The following PTPRT variants were observed in gnomAD, a reference collection of about 807,000 sequenced individuals.
PTPRT encodes the protein receptor-type tyrosine-protein phosphatase T.
A neutral mutation model predicts 176.8 loss-of-function variants in PTPRT; 56 were observed. The ratio of observed to expected loss-of-function variants is 0.32; its 90% CI spans 0.26 to 0.40. PTPRT has a LOEUF of 0.40. Ranked by LOEUF, PTPRT falls within the 10% of genes least tolerant of loss-of-function variation. PTPRT has a pLI of 1.00. For synonymous variants in PTPRT, 783 were observed against 739.0 expected (o/e 1.06, Z -0.96); for missense variants, 1,540 against 1,908.2 (o/e 0.81, Z 3.60).
chr20:42,696,805 G>A (rs1476357311), intron 6 of PTPRT, among the ~76,000 whole-genome samples: 1 of 152,122 alleles, frequency 6.6e-6, no homozygotes, highest in African/African-American at 2.4e-5. Context: ...AGCTCTGCGA[G>A]CTTGGGAGCA....
At chr20:42,796,272 T>TTCA (rs1239525059) in intron 2 of PTPRT, among the ~76,000 whole-genome samples, 2 of 152,230 alleles carry the variant, frequency 1.3e-5, no homozygotes, top group Admixed American at 1.3e-4. Flanking sequence ...CTAGCCACAT[T>TTCA]TCAAGTGCCC....
intron 16 of PTPRT, among the ~76,000 whole-genome samples, chr20:42,176,972 G>A (rs1275307737): frequency 6.6e-6 from 1 of 152,150 alleles, no homozygotes; most frequent in Admixed American, 6.5e-5. Context: ...CAAAGACAAC[G>A]GGACATTAAG....
At chr20:43,179,564 G>C (rs549998239) in intron 1 of PTPRT, among the ~76,000 whole-genome samples, 1 of 152,220 alleles carries the variant, frequency 6.6e-6, no homozygotes, top group South Asian at 2.1e-4. Context: ...TTCAATTTTG[G>C]GGGTAAAGGT....
intron 1 of PTPRT, among the ~76,000 whole-genome samples, chr20:43,051,825 G>T (rs959445437): frequency 6.6e-6 from 1 of 151,988 alleles, no homozygotes; most frequent in African/African-American, 2.4e-5. Context: ...TAGCGAGGTA[G>T]ATAAGTAAAA....
intron 7 of PTPRT, among the ~76,000 whole-genome samples, chr20:42,507,707 G>A (rs1004096711): frequency 6.6e-6 from 1 of 152,100 alleles, no homozygotes; most frequent in Non-Finnish European, 1.5e-5. Context: ...TGAGAATAGA[G>A]GGAATTGGTA....
intron 5 of PTPRT, among the ~76,000 whole-genome samples, chr20:42,758,463 A>T (rs1352150907): frequency 6.6e-6 from 1 of 152,152 alleles, no homozygotes; most frequent in Non-Finnish European, 1.5e-5. Context: ...GGCCCCCATC[A>T]AAGGGCAGCT....
intron 7 of PTPRT, among the ~76,000 whole-genome samples, chr20:42,634,478 C>T (rs1046937153): frequency 6.6e-5 from 10 of 151,752 alleles, no homozygotes; most frequent in Non-Finnish European, 1.2e-4. Flanking sequence ...CATGAGACTT[C>T]ACATGATTAT....
chr20:42,864,500 C>T (rs765235059), intron 2 of PTPRT, among the ~76,000 whole-genome samples: 11 of 152,156 alleles, frequency 7.2e-5, no homozygotes, highest in East Asian at 3.9e-4. Context: ...CATGGGTCCA[C>T]GCACCAAACA....
At chr20:42,610,525 T>C (rs2073958841) in intron 7 of PTPRT, among the ~76,000 whole-genome samples, 1 of 151,990 alleles carries the variant, frequency 6.6e-6, no homozygotes, top group South Asian at 2.1e-4. Context: ...TGACCTGAAA[T>C]ATGTAGATTT....
At chr20:42,930,204 C>T (rs1979743832) in intron 1 of PTPRT, among the ~76,000 whole-genome samples, 1 of 152,196 alleles carries the variant, frequency 6.6e-6, no homozygotes, top group Admixed American at 6.5e-5. Context: ...CTTTTGACAG[C>T]AGCCTGCAGC....
intron 16 of PTPRT, among the ~76,000 whole-genome samples, chr20:42,169,828 CCT>C (rs1443193154): frequency 2.0e-5 from 3 of 149,782 alleles, no homozygotes; most frequent in East Asian, 2.0e-4. Flanking sequence ...AGAGCCATCC[CCT>C]GTCTTGTTAT....
chr20:42,741,497 A>G (rs2076609553), intron 6 of PTPRT, among the ~76,000 whole-genome samples: 1 of 151,850 alleles, frequency 6.6e-6, no homozygotes, highest in South Asian at 2.1e-4. Flanking sequence ...GGCAACCACC[A>G]CCACACCCGG....
chr20:42,341,735 T>C (rs2058113887), intron 11 of PTPRT, among the ~76,000 whole-genome samples: 3 of 152,156 alleles, frequency 2.0e-5, no homozygotes. Flanking sequence ...ATTTAAATAG[T>C]CCCTATGGTA....
At chr20:42,849,581 A>G (rs1341943428) in intron 2 of PTPRT, among the ~76,000 whole-genome samples, 2 of 152,170 alleles carry the variant, frequency 1.3e-5, no homozygotes, top group African/African-American at 4.8e-5. Flanking sequence ...AGGGTGGTAC[A>G]GTGGGCAGAG....
intron 2 of PTPRT, among the ~76,000 whole-genome samples, chr20:42,799,483 A>G (rs181780227): frequency 6.6e-6 from 1 of 152,324 alleles, no homozygotes; most frequent in East Asian, 1.9e-4. Flanking sequence ...GTCTCCCTTT[A>G]TTACTTCATA....
chr20:43,161,962 T>C (rs1033835885), intron 1 of PTPRT, among the ~76,000 whole-genome samples: 7 of 152,358 alleles, frequency 4.6e-5, no homozygotes, highest in Admixed American at 4.6e-4. Context: ...TCATAAATAT[T>C]GCACAGATGT....
At position 43,160,453 on chromosome 20, in the gene PTPRT, G is replaced by A. The variant is rs115169100; in HGVS notation, c.88+29193C>T. 3.1e-3 allele frequency among the ~76,000 whole-genome samples: 475 copies of A among 152,280 alleles called. 6 individuals are homozygous for A. The highest frequency in any genetic ancestry group is 0.011 in the African/African-American group (454 of 41,572). ...AGGCAATAAGAATAAATAAAATTAA[G>A]TGGTTTCTTTACACAGGACTTTGCT... On this transcript the variant is annotated intron_variant, in intron 1 of 30. Transcript: ENST00000373187.
In PTPRT at chr20:42,948,123, C is replaced by T. The variant is rs142458818; in HGVS notation, c.89-62191G>A. Among the ~76,000 whole-genome samples the T allele has an allele frequency of 1.1e-3, 166 of 152,306 alleles. 1 individual carries two copies. The highest frequency in any genetic ancestry group is 3.8e-3 in the African/African-American group (159 of 41,560). ...GACATGCCAATGGTTTTCCTCCTAC[C>T]TCCCTGAGGACTCCGTCCATCTCAG... On this transcript the variant is annotated intron_variant, in intron 1 of 30. Transcript: ENST00000373187.
At chr20:42,955,110 C>T (rs1247672650) in intron 1 of PTPRT, among the ~76,000 whole-genome samples, 2 of 152,138 alleles carry the variant, frequency 1.3e-5, no homozygotes, top group African/African-American at 2.4e-5. Flanking sequence ...GCACAACACA[C>T]GTTGCCATAG....
Sources: gnomAD v4.1 joint callset for allele counts (sites outside exome capture counted in the v4.1 genomes callset) on GRCh38, gnomAD v4.1.1 for gene constraint, MANE v1.5 for transcripts, NCBI Gene and HGNC (gene_info 2026-07-23, HGNC 2026-07-21) for gene names.